The following APAF1 variants were observed in gnomAD, a reference collection of about 807,000 sequenced individuals.
APAF1 encodes apoptotic peptidase activating factor 1, also known as apoptotic protease-activating factor 1.
APAF1 carries 91 observed loss-of-function variants against 152.4 expected under a neutral mutation model. That is an observed-to-expected ratio of 0.60 (90% confidence interval 0.50 to 0.71). The LOEUF (loss-of-function observed/expected upper bound fraction) is 0.71, where lower values mean the gene tolerates loss of function less well. Ranked by LOEUF, APAF1 falls within the 30% of genes least tolerant of loss-of-function variation. The pLI is 0.00. For synonymous variants in APAF1, 484 were observed against 494.1 expected, an observed-to-expected ratio of 0.98 and a Z score of 0.27; for missense variants, 1,283 against 1,472.0, an observed-to-expected ratio of 0.87 and a Z score of 2.10.
intron 5 of APAF1, 108 bp from the exon 6 acceptor site, chr12:98,662,347 TA>T (rs1472377713): frequency 3.8e-6 from 3 of 795,804 alleles, no homozygotes; most frequent in Non-Finnish European, 6.2e-6. Flanking sequence ...CTATTTGTTT[TA>T]AAAAAAATTT....
chr12:98,685,880 G>C (rs141729480), intron 15 of APAF1, among the ~76,000 whole-genome samples: 1 of 151,942 alleles, frequency 6.6e-6, no homozygotes, highest in East Asian at 1.9e-4. Flanking sequence ...CAGGTGATAC[G>C]CCCACCTCAG....
rs1483706802 is a variant in APAF1 at position 98,713,007 on chromosome 12, G to A, written c.2958+572G>A. On this transcript the variant is annotated intron_variant, in intron 21 of 26. Coordinates refer to ENST00000551964, the MANE Select transcript of APAF1 (RefSeq NM_181861.2). ...TAATTTTTCTGTTTTTGTAGAGATG[G>A]AGGTTTCACCAGTGTTGCCCAGGCT... 2.6e-5 allele frequency among the ~76,000 whole-genome samples: 4 copies of A among 151,346 alleles called. No individual in the cohort carries two copies. In the South Asian group the frequency reaches 6.3e-4, roughly 24 times the overall value.
Position 98,683,212 on chromosome 12 carries a change from C to T in APAF1, c.2116C>T (p.His706Tyr). 6.2e-7 allele frequency: 1 copy of T among 1,613,448 alleles called. No homozygotes were observed. Among genetic ancestry groups the T allele is most frequent in the African/African-American group, 1.3e-5 (1 of 75,006 alleles). ...GCACTCAGAGCAAGTCAATTGCTGC[C>T]ATTTCACCAACAGTAGTCATCATCT... ...DEHSEQVNCCHFTNSSHHLLL... is the reference protein window; with the variant it reads ...DEHSEQVNCCYFTNSSHHLLL... The change falls in exon 15 of 27, where the codon CAT (histidine) becomes TAT (tyrosine). Residue 706 changes from histidine (H) to tyrosine (Y), a missense_variant. Physicochemically the swap from His to Tyr is moderately conservative, Grantham distance 83. Coordinates refer to ENST00000551964, the MANE Select transcript of APAF1 (RefSeq NM_181861.2).
intron 16 of APAF1, among the ~76,000 whole-genome samples, chr12:98,690,609 C>T (rs2288726): frequency 2.6e-5 from 4 of 152,022 alleles, no homozygotes; most frequent in Non-Finnish European, 5.9e-5. Flanking sequence ...GCCAAATGTT[C>T]AAGAAAGCTG....
chr12:98,664,314 G>T (rs2153316239), intron 7 of APAF1, among the ~76,000 whole-genome samples: 1 of 152,190 alleles, frequency 6.6e-6, no homozygotes, highest in South Asian at 2.1e-4. Flanking sequence ...ACCACACGTG[G>T]CCAGTTTTGT....
chr12:98,706,719 G>T, intron 19 of APAF1, 109 bp downstream of exon 19: 1 of 1,248,392 alleles, frequency 8.0e-7, no homozygotes, highest in Non-Finnish European at 1.2e-6. Context: ...TAGGAAACTA[G>T]TACTATATTC....
chr12:98,691,730 G>A (rs116624926), intron 16 of APAF1, among the ~76,000 whole-genome samples: 2,287 of 150,832 alleles, frequency 0.015, 42 homozygotes, highest in African/African-American at 0.038. Context: ...TTGTTTTTTT[G>A]TGTTTTTTTT....
intron 14 of APAF1, among the ~76,000 whole-genome samples, 194 bp from the exon 15 acceptor site, chr12:98,682,949 T>G (rs1200467617): frequency 6.6e-6 from 1 of 152,058 alleles, no homozygotes; most frequent in Non-Finnish European, 1.5e-5. Context: ...TTGCAAATAA[T>G]TTTTTTTAAA....
At position 98,695,351 on chromosome 12, in the gene APAF1, C is replaced by T. The variant is rs555126865; in HGVS notation, c.2305-4057C>T. ...CAGGTGTGAGCCACTGCGCCCAATG[C>T]CGCCCCCCCCCTTTTTTTTTTTTGA... On this transcript the variant is annotated intron_variant, in intron 16 of 26. Coordinates refer to ENST00000551964, the MANE Select transcript of APAF1 (RefSeq NM_181861.2). Among the ~76,000 whole-genome samples the T allele has an allele frequency of 3.9e-3, 575 of 147,364 alleles. 4 individuals carry two copies. The highest frequency in any genetic ancestry group is 0.014 in the African/African-American group (552 of 39,700).
At chr12:98,711,137 A>T (rs1409722844) in intron 20 of APAF1, among the ~76,000 whole-genome samples, 6 of 152,222 alleles carry the variant, frequency 3.9e-5, no homozygotes, top group Non-Finnish European at 8.8e-5. Flanking sequence ...ATGGAATTCA[A>T]TGTGAATTTC....
intron 4 of APAF1, among the ~76,000 whole-genome samples, chr12:98,653,812 A>G (rs1234321691): frequency 6.8e-6 from 1 of 146,044 alleles, no homozygotes; most frequent in Admixed American, 7.0e-5. Context: ...ATTTGTAGGG[A>G]AATAGTAAAG....
intron 19 of APAF1, among the ~76,000 whole-genome samples, chr12:98,707,692 C>CTATA (rs10668292): frequency 0.023 from 3,246 of 139,516 alleles, 76 homozygotes; most frequent in African/African-American, 0.049. Context: ...ATGCAAAGTA[C>CTATA]TATATATATA....
chr12:98,691,920 C>A (rs968414582), intron 16 of APAF1, among the ~76,000 whole-genome samples: 1 of 152,114 alleles, frequency 6.6e-6, no homozygotes, highest in Non-Finnish European at 1.5e-5. Context: ...TTCAACTCAT[C>A]TTTTTTCAGG....
At chr12:98,692,408 A>T (rs1228891120) in intron 16 of APAF1, among the ~76,000 whole-genome samples, 9 of 152,064 alleles carry the variant, frequency 5.9e-5, no homozygotes, top group African/African-American at 9.7e-5. Context: ...AAAAAAAAAA[A>T]TTTCAACTTT....
At chr12:98,718,608 C>G (rs1223207608) in intron 22 of APAF1, among the ~76,000 whole-genome samples, 2 of 152,164 alleles carry the variant, frequency 1.3e-5, no homozygotes, top group African/African-American at 4.8e-5. Context: ...CTTCACAGCT[C>G]TGCAGCTCGT....
intron 19 of APAF1, among the ~76,000 whole-genome samples, chr12:98,707,579 C>T (rs1389802335): frequency 6.6e-6 from 1 of 151,988 alleles, no homozygotes; most frequent in Non-Finnish European, 1.5e-5. Context: ...ATTATAAGCT[C>T]TTTGAGGCCA....
chr12:98,663,879 G>A (rs1165469716), intron 7 of APAF1, among the ~76,000 whole-genome samples: 3 of 151,970 alleles, frequency 2.0e-5, no homozygotes, highest in Non-Finnish European at 4.4e-5. Flanking sequence ...GGCTGGTCTC[G>A]AACTCCTGAC....
At chr12:98,711,878 A>G (rs1472028940) in intron 20 of APAF1, among the ~76,000 whole-genome samples, 1 of 152,112 alleles carries the variant, frequency 6.6e-6, no homozygotes, top group East Asian at 1.9e-4. Context: ...TTTGGAGGAT[A>G]TAAGCCCCAT....
intron 13 of APAF1, among the ~76,000 whole-genome samples, chr12:98,679,439 T>C (rs1360005530): frequency 6.6e-6 from 1 of 152,224 alleles, no homozygotes; most frequent in Non-Finnish European, 1.5e-5. Context: ...AGCTCCTGTT[T>C]GTCTTGCTCA....
Sources: allele counts gnomAD v4.1 joint callset (sites outside exome capture counted in the v4.1 genomes callset), GRCh38; gene constraint gnomAD v4.1.1; transcripts MANE v1.5; gene names NCBI Gene and HGNC (gene_info 2026-07-23, HGNC 2026-07-21).